The following ENPP6 variants were observed in gnomAD, a reference collection of about 807,000 sequenced individuals.
ENPP6 encodes the protein ectonucleotide pyrophosphatase/phosphodiesterase 6.
Under a neutral mutation model 42.0 loss-of-function variants are expected in ENPP6, and 32 were observed. That is an observed-to-expected ratio of 0.76 (90% confidence interval 0.58 to 1.02). ENPP6 has a LOEUF of 1.02. Among genes scored for constraint, ENPP6 ranks in the 50% least tolerant of loss-of-function variants. The pLI is 0.00. For synonymous variants in ENPP6, 213 were observed against 216.0 expected (o/e 0.99, Z 0.12); for missense variants, 552 against 566.8 (o/e 0.97, Z 0.27).
intron 1 of ENPP6, among the ~76,000 whole-genome samples, chr4:184,172,991 G>T (rs532131531): frequency 6.6e-6 from 1 of 152,082 alleles, no homozygotes; most frequent in Admixed American, 6.6e-5. Context: ...TACAACCTCC[G>T]CCACCAGGGT....
At chr4:184,183,358 T>G (rs1732584617) in intron 1 of ENPP6, among the ~76,000 whole-genome samples, 1 of 152,236 alleles carries the variant, frequency 6.6e-6, no homozygotes, top group Non-Finnish European at 1.5e-5. Context: ...ACATGAATAT[T>G]GTAAGCGTAG....
At chr4:184,122,884 A>G (rs1424491846) in intron 3 of ENPP6, among the ~76,000 whole-genome samples, 2 of 152,240 alleles carry the variant, frequency 1.3e-5, no homozygotes, top group Admixed American at 1.3e-4. Flanking sequence ...TCCAAGTGCC[A>G]GCCCCACTCA....
chr4:184,161,567 G>T (rs1737257207), intron 1 of ENPP6, among the ~76,000 whole-genome samples: 1 of 152,162 alleles, frequency 6.6e-6, no homozygotes, highest in Non-Finnish European at 1.5e-5. Context: ...ATATGAAAAA[G>T]ATACTGGCAT....
At chr4:184,164,522 T>A (rs1218100464) in intron 1 of ENPP6, among the ~76,000 whole-genome samples, 2 of 152,140 alleles carry the variant, frequency 1.3e-5, no homozygotes, top group Non-Finnish European at 2.9e-5. Flanking sequence ...AGATGATGTT[T>A]GGAGAGGGAG....
At chr4:184,125,804 A>C (rs60814845) in intron 2 of ENPP6, among the ~76,000 whole-genome samples, 2,624 of 152,308 alleles carry the variant, frequency 0.017, 81 homozygotes, top group African/African-American at 0.06. Context: ...CCCAGAAATA[A>C]ATACTGCTCA....
At chr4:184,119,127 T>C (rs1321257923) in intron 3 of ENPP6, among the ~76,000 whole-genome samples, 1 of 152,230 alleles carries the variant, frequency 6.6e-6, no homozygotes, top group African/African-American at 2.4e-5. Flanking sequence ...CAGACTGAAC[T>C]ACTGATTGGA....
At chr4:184,103,954 G>A (rs1439586127) in intron 6 of ENPP6, among the ~76,000 whole-genome samples, 4 of 152,172 alleles carry the variant, frequency 2.6e-5, no homozygotes, top group South Asian at 2.1e-4. Flanking sequence ...AGACATTCTC[G>A]GAGTGGAGCA....
intron 1 of ENPP6, among the ~76,000 whole-genome samples, chr4:184,195,097 T>C (rs1242484940): frequency 6.6e-6 from 1 of 152,236 alleles, no homozygotes; most frequent in African/African-American, 2.4e-5. Flanking sequence ...TTCTAATTTC[T>C]AATTTTTTAT....
At chr4:184,175,803 G>T (rs1006834060) in intron 1 of ENPP6, among the ~76,000 whole-genome samples, 13 of 152,178 alleles carry the variant, frequency 8.5e-5, no homozygotes, top group Non-Finnish European at 1.5e-5. Flanking sequence ...AGAGGACCTG[G>T]CCAGATCTGC....
At chr4:184,131,231 TTTCC>T (rs1408542020) in intron 2 of ENPP6, among the ~76,000 whole-genome samples, 1 of 75,352 alleles carries the variant, frequency 1.3e-5, no homozygotes. Flanking sequence ...TCTTTCTTTC[TTTCC>T]TTTTCTTTCT....
intron 2 of ENPP6, among the ~76,000 whole-genome samples, chr4:184,133,629 A>G (rs919123609): frequency 6.6e-6 from 1 of 151,514 alleles, no homozygotes; most frequent in African/African-American, 2.4e-5. Context: ...GCTAAATAGA[A>G]GTCATGCTAG....
intron 2 of ENPP6, among the ~76,000 whole-genome samples, chr4:184,147,096 T>C (rs955398610): frequency 1.3e-5 from 2 of 152,174 alleles, no homozygotes. Flanking sequence ...CCCTCTGCCT[T>C]CAGACTGCTT....
At chr4:184,143,706 G>C (rs986501551) in intron 2 of ENPP6, among the ~76,000 whole-genome samples, 1 of 152,246 alleles carries the variant, frequency 6.6e-6, no homozygotes. Flanking sequence ...CTGCAGCCCA[G>C]TGCGGGGTCT....
At chr4:184,096,228 G>A (rs760803483) in intron 7 of ENPP6, among the ~76,000 whole-genome samples, 9 of 152,214 alleles carry the variant, frequency 5.9e-5, no homozygotes, top group Non-Finnish European at 1.2e-4. Flanking sequence ...GGCTGAATGA[G>A]GGATGCTGGC....
intron 6 of ENPP6, among the ~76,000 whole-genome samples, chr4:184,102,684 C>T (rs1425163978): frequency 6.6e-6 from 1 of 152,188 alleles, no homozygotes; most frequent in African/African-American, 2.4e-5. Context: ...CAGGGCCTTG[C>T]CTGGTGCCTC....
chr4:184,099,897 C>T lies in ENPP6; in HGVS notation c.994-2529G>A, dbSNP rs139411341. Among the ~76,000 whole-genome samples the T allele has an allele frequency of 1.0e-3, 153 of 152,350 alleles. 1 individual carries two copies. The highest frequency in any genetic ancestry group is 1.8e-3 in the Non-Finnish European group (123 of 68,040). Reference sequence around the variant, plus strand: ...CTACAAGGCGGTGAGCACTGAAGCACGAAGTAGAACACTTTTGCTATTAAC... The same window carrying T: ...CTACAAGGCGGTGAGCACTGAAGCATGAAGTAGAACACTTTTGCTATTAAC... On this transcript the variant is annotated intron_variant, in intron 6 of 7. Coordinates refer to ENST00000296741, the MANE Select transcript of ENPP6 (RefSeq NM_153343.4).
chr4:184,100,489 T>G (rs1735979928), intron 6 of ENPP6, among the ~76,000 whole-genome samples: 2 of 151,940 alleles, frequency 1.3e-5, no homozygotes, highest in Admixed American at 1.3e-4. Flanking sequence ...CCTAGTGACA[T>G]CCGGGGAGGC....
At chr4:184,106,017 C>A (rs1736084128) in intron 6 of ENPP6, among the ~76,000 whole-genome samples, 1 of 149,092 alleles carries the variant, frequency 6.7e-6, no homozygotes. Context: ...TCCCACTGAA[C>A]TTAAGATCAA....
At chr4:184,160,154 T>A (rs1737237786) in intron 1 of ENPP6, among the ~76,000 whole-genome samples, 1 of 152,200 alleles carries the variant, frequency 6.6e-6, no homozygotes, top group South Asian at 2.1e-4. Context: ...TTCTTTTCCT[T>A]TGGGTAGATA....
Sources: allele counts gnomAD v4.1 joint callset (sites outside exome capture counted in the v4.1 genomes callset), GRCh38; gene constraint gnomAD v4.1.1; transcripts MANE v1.5; gene names NCBI Gene and HGNC (gene_info 2026-07-23, HGNC 2026-07-21).